The following SAMMSON variants were observed in gnomAD, a reference collection of about 807,000 sequenced individuals.
The protein encoded by SAMMSON is long intergenic non-protein coding RNA 1212.
intron 4 of SAMMSON, among the ~76,000 whole-genome samples, chr3:70,241,483 T>C (rs1004496160): frequency 2.9e-4 from 44 of 152,182 alleles, no homozygotes; most frequent in Non-Finnish European, 5.1e-4. Flanking sequence ...TAAAATGTAA[T>C]GGGAGGTATG....
chr3:70,229,224 C>T (rs1701536468), intron 4 of SAMMSON, among the ~76,000 whole-genome samples: 1 of 152,128 alleles, frequency 6.6e-6, no homozygotes, highest in South Asian at 2.1e-4. Context: ...GAGGAATGGT[C>T]AGGAAGCAAG....
At position 70,214,062 on chromosome 3, in the gene SAMMSON, G is replaced by C. The variant is rs142405047; in HGVS notation, n.508-35045G>C. On this transcript the variant is annotated intron_variant and non_coding_transcript_variant, in intron 4 of 9. Transcript: ENST00000642114. The stretch of plus-strand genomic sequence containing the variant: ...AATTTTCTCCAGTTGAGGGATGAAG[G>C]CTTCTAAAATTTCCTCACCTTTTTG... Among the ~76,000 whole-genome samples the C allele has an allele frequency of 2.9e-3, 438 of 152,152 alleles. 4 individuals carry two copies. The highest frequency in any genetic ancestry group is 0.017 in the South Asian group (81 of 4,820).
At chr3:70,276,400 A>T (rs1184596274) in intron 6 of SAMMSON, among the ~76,000 whole-genome samples, 1 of 152,212 alleles carries the variant, frequency 6.6e-6, no homozygotes, top group African/African-American at 2.4e-5. Context: ...TTGTGATTAT[A>T]AGTAAACATT....
At chr3:70,385,185 C>T (rs1039853903) in intron 9 of SAMMSON, among the ~76,000 whole-genome samples, 11 of 152,052 alleles carry the variant, frequency 7.2e-5, no homozygotes, top group African/African-American at 2.7e-4. Context: ...TCCTCCTTTT[C>T]TCTCCTTCTG....
chr3:70,397,953 A>T (rs997425116), intron 2 of SAMMSON, among the ~76,000 whole-genome samples: 1 of 152,210 alleles, frequency 6.6e-6, no homozygotes, highest in Non-Finnish European at 1.5e-5. Flanking sequence ...AGCAAATATT[A>T]ATAATGTTAT....
intron 7 of SAMMSON, among the ~76,000 whole-genome samples, chr3:70,345,034 A>G (rs551383483): frequency 6.6e-6 from 1 of 152,264 alleles, no homozygotes; most frequent in Admixed American, 6.5e-5. Context: ...GTGTATACTA[A>G]CTCATATAAA....
intron 4 of SAMMSON, among the ~76,000 whole-genome samples, chr3:70,078,490 A>T (rs2067256623): frequency 6.6e-6 from 1 of 152,124 alleles, no homozygotes; most frequent in South Asian, 2.1e-4. Context: ...GCTGTTCTGT[A>T]GGCAGCCTTC....
chr3:70,164,496 T>A (rs2067628807), intron 4 of SAMMSON, among the ~76,000 whole-genome samples: 2 of 152,072 alleles, frequency 1.3e-5, no homozygotes, highest in South Asian at 4.1e-4. Flanking sequence ...TCTGTAAACC[T>A]TGTGCCTGCA....
At chr3:70,078,780 A>G (rs1377332750) in intron 4 of SAMMSON, among the ~76,000 whole-genome samples, 1 of 152,204 alleles carries the variant, frequency 6.6e-6, no homozygotes, top group Non-Finnish European at 1.5e-5. Flanking sequence ...GTTGTTGGGC[A>G]CGTTCAGGGT....
chr3:70,006,822 G>A (rs183226423), intron 1 of SAMMSON, among the ~76,000 whole-genome samples: 6 of 111,100 alleles, frequency 5.4e-5, no homozygotes, highest in East Asian at 2.7e-4. Context: ...AACAGGCCCC[G>A]GTGTGTGATG....
intron 4 of SAMMSON, among the ~76,000 whole-genome samples, chr3:70,145,229 A>G (rs995563499): frequency 1.3e-5 from 2 of 152,142 alleles, no homozygotes; most frequent in African/African-American, 2.4e-5. Flanking sequence ...ACAGAAATGA[A>G]AGGAAACAGA....
chr3:70,128,486 A>G (rs2067468204), intron 4 of SAMMSON, among the ~76,000 whole-genome samples: 1 of 152,232 alleles, frequency 6.6e-6, no homozygotes, highest in Non-Finnish European at 1.5e-5. Context: ...ATTTTAAACC[A>G]TTTCATATTT....
chr3:70,143,933 C>T (rs1460212829), intron 4 of SAMMSON, among the ~76,000 whole-genome samples: 1 of 152,038 alleles, frequency 6.6e-6, no homozygotes, highest in East Asian at 1.9e-4. Flanking sequence ...TATTTGTAGA[C>T]CTTTATAAGT....
At chr3:70,123,390 T>C (rs1358082249) in intron 4 of SAMMSON, among the ~76,000 whole-genome samples, 3 of 152,180 alleles carry the variant, frequency 2.0e-5, no homozygotes, top group Admixed American at 6.5e-5. Context: ...TGTGCCTCAG[T>C]CTCCAGAGTA....
At chr3:70,157,388 G>T (rs546842794) in intron 4 of SAMMSON, among the ~76,000 whole-genome samples, 1 of 152,206 alleles carries the variant, frequency 6.6e-6, no homozygotes, top group Admixed American at 6.5e-5. Flanking sequence ...GGTAGCACAT[G>T]AATCAAAATA....
chr3:70,423,190 A>G (rs904957454), intron 2 of SAMMSON, among the ~76,000 whole-genome samples: 1 of 152,166 alleles, frequency 6.6e-6, no homozygotes, highest in South Asian at 2.1e-4. Context: ...CAGAAAGGGA[A>G]TAAACTGATA....
chr3:70,085,523 T>A lies in SAMMSON; in HGVS notation n.507+13958T>A, dbSNP rs573553654. On this transcript the variant is annotated intron_variant and non_coding_transcript_variant, in intron 4 of 9. Coordinates refer to ENST00000642114, the Ensembl canonical transcript of SAMMSON. ...GGGACTACTTTGATTTGGGTAGGTT[T>A]CCTAATTTGAGTAAGTCTTCCATTA... Among the ~76,000 whole-genome samples the A allele has an allele frequency of 2.0e-5, 3 of 152,320 alleles. No homozygotes were observed. In the South Asian group the frequency reaches 6.2e-4, roughly 32 times the overall value.
chr3:70,126,138 C>T, intron 4 of SAMMSON: 4 of 1,264,068 alleles, frequency 3.2e-6, no homozygotes, highest in Non-Finnish European at 4.5e-6. Context: ...GTGGTGGGTA[C>T]ATATACTTGA....
chr3:70,125,971 T>C (rs764354627), intron 4 of SAMMSON: 1 of 790,206 alleles, frequency 1.3e-6, no homozygotes, highest in Non-Finnish European at 2.1e-6. Flanking sequence ...AAGAGGTGGA[T>C]GCAATGGCAT....
Sources: gnomAD v4.1 joint callset for allele counts (sites outside exome capture counted in the v4.1 genomes callset) on GRCh38, gnomAD v4.1.1 for gene constraint, MANE v1.5 for transcripts, NCBI Gene and HGNC (gene_info 2026-07-23, HGNC 2026-07-21) for gene names.